Variants in NMT1 observed in about 807,000 individuals in gnomAD.
NMT1 encodes the protein N-myristoyltransferase 1.
In NMT1, 12 loss-of-function variants were observed where a neutral mutation model predicts 63.4. That is an observed-to-expected ratio of 0.19 (90% CI 0.12 to 0.31). NMT1 has a LOEUF of 0.31. NMT1 is among the 10% of genes least tolerant of loss of function. NMT1 has a pLI of 1.00. For missense variants in NMT1, 432 were observed against 634.6 expected (o/e 0.68, Z 3.43); for synonymous variants, 228 against 234.3 (o/e 0.97, Z 0.25).
At chr17:45,076,616 GGCACA>G (rs1046406733) in intron 1 of NMT1, among the ~76,000 whole-genome samples, 1 of 151,870 alleles carries the variant, frequency 6.6e-6, no homozygotes. Context: ...TGGGTGTGAT[GGCACA>G]TGCTTATAAT....
At chr17:45,070,969 G>A (rs932684089) in intron 1 of NMT1, among the ~76,000 whole-genome samples, 2 of 152,158 alleles carry the variant, frequency 1.3e-5, no homozygotes, top group Non-Finnish European at 2.9e-5. Context: ...GTATTGCACT[G>A]AGTGATCCTT....
At chr17:45,072,965 T>C (rs1170704184) in intron 1 of NMT1, among the ~76,000 whole-genome samples, 2 of 152,204 alleles carry the variant, frequency 1.3e-5, no homozygotes, top group Non-Finnish European at 2.9e-5. Context: ...AGCTGTCCTG[T>C]GCAAACAGAA....
chr17:45,073,482 G>T (rs963785112), intron 1 of NMT1, among the ~76,000 whole-genome samples: 1 of 151,992 alleles, frequency 6.6e-6, no homozygotes, highest in Non-Finnish European at 1.5e-5. Flanking sequence ...AGCCAAGAAA[G>T]CAATATATTA....
intron 1 of NMT1, among the ~76,000 whole-genome samples, chr17:45,069,879 CA>C (rs540316068): frequency 0.015 from 1,753 of 117,648 alleles, 12 homozygotes; most frequent in Middle Eastern, 0.039. Flanking sequence ...GACTCCATCT[CA>C]AAAAAAAAAA....
chr17:45,096,105 T>C (rs2054123454), intron 4 of NMT1, 89 bp from the exon 5 acceptor site: 3 of 970,174 alleles, frequency 3.1e-6, no homozygotes, highest in Non-Finnish European at 4.9e-6. Context: ...GTTTGCTTCA[T>C]CCTTCTGAAA....
Position 45,103,931 on chromosome 17 carries a change from C to T in NMT1, c.1332+55C>T. ...ATGTGCAGGGAAGAGGCAGTGGAGC[C>T]ATGGTGAGCACAGCTCCCGGGACGC... On this transcript the variant is annotated intron_variant, in intron 10 of 11. Coordinates refer to ENST00000258960, the MANE Select transcript of NMT1 (RefSeq NM_021079.5). The surrounding 1 kb of genome is among the most constrained non-coding windows in gnomAD (Gnocchi z 4.8). 6.2e-7 allele frequency: 1 copy of T among 1,606,594 alleles called. No individual in the cohort carries two copies. The highest frequency in any genetic ancestry group is 1.1e-5 in the South Asian group (1 of 91,034).
chr17:45,069,212 T>C (rs1442294215), intron 1 of NMT1, among the ~76,000 whole-genome samples: 2 of 148,496 alleles, frequency 1.3e-5, no homozygotes, highest in Non-Finnish European at 3.0e-5. Context: ...ATCCTCCTTG[T>C]CCTCCCAAAG....
intron 1 of NMT1, among the ~76,000 whole-genome samples, chr17:45,062,451 T>A (rs2053870581): frequency 6.6e-6 from 1 of 152,232 alleles, no homozygotes; most frequent in South Asian, 2.1e-4. Context: ...TGAGGTAGTC[T>A]GATTTTCGTA....
chr17:45,070,897 TC>T (rs2053935584), intron 1 of NMT1, among the ~76,000 whole-genome samples: 1 of 152,136 alleles, frequency 6.6e-6, no homozygotes, highest in South Asian at 2.1e-4. Context: ...ATTTTTCCCA[TC>T]ATTTGGGATT....
Position 45,105,166 on chromosome 17 carries a change from C to T in NMT1, c.1470+170C>T, listed in dbSNP as rs1176344561. The stretch of plus-strand genomic sequence containing the variant: ...TGGCCAGACCAGCAGGTCAGCGTTC[C>T]CCTCTCAGCAACTGGTGTGAGGATG... On this transcript the variant is annotated intron_variant, in intron 11 of 11. Coordinates refer to ENST00000258960, the MANE Select transcript of NMT1 (RefSeq NM_021079.5). This position sits in a 1 kb window ranked among gnomAD's most constrained non-coding sequence, Gnocchi z 4.2. Among the ~76,000 whole-genome samples, 1 of 152,148 alleles carries T rather than the reference C, an allele frequency of 6.6e-6. No homozygotes were observed. The highest frequency in any genetic ancestry group is 1.5e-5 in the Non-Finnish European group (1 of 68,030).
intron 1 of NMT1, among the ~76,000 whole-genome samples, chr17:45,074,410 G>C (rs747511934): frequency 2.0e-5 from 3 of 151,918 alleles, no homozygotes; most frequent in Non-Finnish European, 4.4e-5. Context: ...TAGTAGAGAC[G>C]GGGTTTCACC....
At chr17:45,084,059 G>A (rs1485361324) in intron 2 of NMT1, among the ~76,000 whole-genome samples, 2 of 152,142 alleles carry the variant, frequency 1.3e-5, no homozygotes, top group Admixed American at 1.3e-4. Flanking sequence ...AGAAGAAAAT[G>A]TATGTAGTTT....
At chr17:45,068,792 G>T (rs2053919747) in intron 1 of NMT1, among the ~76,000 whole-genome samples, 1 of 151,888 alleles carries the variant, frequency 6.6e-6, no homozygotes, top group Non-Finnish European at 1.5e-5. Context: ...GATCACAGGT[G>T]TGCACCACCA....
intron 3 of NMT1, among the ~76,000 whole-genome samples, chr17:45,090,271 G>A (rs951511712): frequency 1.1e-4 from 16 of 152,078 alleles, no homozygotes; most frequent in African/African-American, 1.4e-4. Flanking sequence ...GTGACAAAGC[G>A]AGTCCCTGTC....
intron 2 of NMT1, among the ~76,000 whole-genome samples, chr17:45,084,131 C>A (rs1160324121): frequency 6.6e-6 from 1 of 152,000 alleles, no homozygotes; most frequent in African/African-American, 2.4e-5. Context: ...AAATTTAAAA[C>A]TTTGTAGAAG....
At chr17:45,064,693 G>A (rs1186567680) in intron 1 of NMT1, among the ~76,000 whole-genome samples, 1 of 152,076 alleles carries the variant, frequency 6.6e-6, no homozygotes, top group African/African-American at 2.4e-5. Context: ...CATGATGGCA[G>A]GCGCCTGTAA....
intron 8 of NMT1, among the ~76,000 whole-genome samples, chr17:45,102,675 C>G (rs1473851229): frequency 6.6e-6 from 1 of 152,208 alleles, no homozygotes; most frequent in Non-Finnish European, 1.5e-5. Flanking sequence ...GAGTTTGAAA[C>G]AAGGGTGGAG....
At chr17:45,082,850 T>G (rs1244032854) in intron 2 of NMT1, among the ~76,000 whole-genome samples, 1 of 151,254 alleles carries the variant, frequency 6.6e-6, no homozygotes, top group East Asian at 2.0e-4. Context: ...ACCCTGTCTC[T>G]GCTAAAAATA....
chr17:45,076,420 C>T (rs912974656), intron 1 of NMT1, among the ~76,000 whole-genome samples: 30 of 149,618 alleles, frequency 2.0e-4, no homozygotes, highest in Non-Finnish European at 4.1e-4. Flanking sequence ...GGGCTCAATA[C>T]TTGGTAGCTC....
Sources: allele counts gnomAD v4.1 joint callset (sites outside exome capture counted in the v4.1 genomes callset), GRCh38; gene constraint gnomAD v4.1.1; non-coding constraint Gnocchi (gnomAD v3.1); transcripts MANE v1.5; gene names NCBI Gene and HGNC (gene_info 2026-07-23, HGNC 2026-07-21).